The following RAB31 variants were observed in gnomAD, a reference collection of about 807,000 sequenced individuals.
RAB31 encodes RAB31, member RAS oncogene family, also known as ras-related protein Rab-31.
Under a neutral mutation model 25.6 loss-of-function variants are expected in RAB31, and 21 were observed. The observed-to-expected ratio is 0.82, with a 90% CI of 0.58 to 1.18. The LOEUF is 1.18. Ranked by LOEUF, RAB31 falls within the 50% of genes most tolerant of loss-of-function variation. RAB31 has a pLI of 0.00. For missense variants in RAB31, 196 were observed against 250.1 expected (o/e 0.78, Z 1.46); for synonymous variants, 87 against 84.0 (o/e 1.04, Z -0.20).
In RAB31 at chr18:9,775,435, C is replaced by A. The variant is rs2068367378; in HGVS notation, c.119+78C>A. 3 of 1,587,586 alleles carry A rather than the reference C, an allele frequency of 1.9e-6. No homozygotes were observed. The African/African-American group carries it at 4.0e-5, about 21-fold the overall frequency. ...AATGACCACTCTGTCTGTGCCTGAG[C>A]CTTCAGGCAGGGCCACAGTTTTCAT... is the stretch of plus-strand genomic sequence containing the variant. On this transcript the variant is annotated intron_variant, in intron 2 of 6. Transcript: ENST00000578921.
intron 5 of RAB31, chr18:9,816,099 TCC>T (rs2068597848): frequency 7.8e-6 from 1 of 127,866 alleles, no homozygotes; most frequent in Non-Finnish European, 1.6e-5. Flanking sequence ...GTAGATGCTG[TCC>T]TCCATCCCTG....
intron 1 of RAB31, among the ~76,000 whole-genome samples, chr18:9,725,761 G>A (rs2068093447): frequency 6.6e-6 from 1 of 152,174 alleles, no homozygotes; most frequent in African/African-American, 2.4e-5. Context: ...ACAATGTTAG[G>A]GTCCTGGTCA....
chr18:9,775,166 A>G (rs973585855), intron 1 of RAB31, 112 bp from the exon 2 acceptor site: 3 of 1,542,344 alleles, frequency 1.9e-6, no homozygotes, highest in Non-Finnish European at 2.6e-6. Context: ...TCCCAGTCTC[A>G]TCAACCAGAA....
At chr18:9,710,581 G>A (rs1356272748) in intron 1 of RAB31, among the ~76,000 whole-genome samples, 4 of 152,132 alleles carry the variant, frequency 2.6e-5, no homozygotes, top group Non-Finnish European at 2.9e-5. Context: ...GGCCGGTCGC[G>A]TTGGCTCACA....
chr18:9,733,072 G>A (rs2068131603), intron 1 of RAB31, among the ~76,000 whole-genome samples: 1 of 152,140 alleles, frequency 6.6e-6, no homozygotes, highest in South Asian at 2.1e-4. Flanking sequence ...ATAGAATGGC[G>A]AGTTAGACAG....
intron 3 of RAB31, among the ~76,000 whole-genome samples, chr18:9,808,940 C>T (rs1374198455): frequency 6.6e-6 from 1 of 152,204 alleles, no homozygotes. Flanking sequence ...ATTTACGATG[C>T]CACAAACCTG....
chr18:9,727,873 C>T (rs2068103106), intron 1 of RAB31, among the ~76,000 whole-genome samples: 1 of 152,110 alleles, frequency 6.6e-6, no homozygotes, highest in Admixed American at 6.6e-5. Context: ...AAATGATTAC[C>T]ACAGTTAAGC....
chr18:9,797,278 C>T (rs1422904890), intron 3 of RAB31: 5 of 152,092 alleles, frequency 3.3e-5, no homozygotes, highest in Non-Finnish European at 5.9e-5. Context: ...CTCTTTTTAC[C>T]TCTGGCTATG....
intron 5 of RAB31, among the ~76,000 whole-genome samples, chr18:9,823,780 A>G (rs1356100486): frequency 6.6e-6 from 1 of 152,208 alleles, no homozygotes; most frequent in Non-Finnish European, 1.5e-5. Flanking sequence ...CATCTCCAGC[A>G]CACCTAAGGT....
intron 2 of RAB31, among the ~76,000 whole-genome samples, chr18:9,788,284 G>A (rs576409801): frequency 4.6e-5 from 7 of 152,274 alleles, no homozygotes; most frequent in African/African-American, 1.7e-4. Flanking sequence ...CAACAAGTTT[G>A]TGGAAAAATG....
chr18:9,835,362 C>T (rs2068698960), intron 5 of RAB31, among the ~76,000 whole-genome samples: 1 of 151,488 alleles, frequency 6.6e-6, no homozygotes, highest in Non-Finnish European at 1.5e-5. Context: ...CTGGCCTCTT[C>T]AGGACTAGGC....
At chr18:9,764,172 G>C (rs1408672983) in intron 1 of RAB31, among the ~76,000 whole-genome samples, 2 of 152,212 alleles carry the variant, frequency 1.3e-5, no homozygotes, top group Non-Finnish European at 2.9e-5. Flanking sequence ...CAGCAATCCA[G>C]TTGATGGAGT....
intron 1 of RAB31, among the ~76,000 whole-genome samples, chr18:9,738,373 CT>C: frequency 6.6e-6 from 1 of 152,248 alleles, no homozygotes; most frequent in South Asian, 2.1e-4. Context: ...AGGGTTGGGA[CT>C]TTTAGCCCCA....
intron 2 of RAB31, among the ~76,000 whole-genome samples, chr18:9,788,961 C>T (rs1361581016): frequency 6.6e-6 from 1 of 152,036 alleles, no homozygotes; most frequent in Non-Finnish European, 1.5e-5. Flanking sequence ...CAGAGTAAGA[C>T]CCCATCTCAA....
chr18:9,777,107 C>T (rs2068375945), intron 2 of RAB31, among the ~76,000 whole-genome samples: 1 of 152,102 alleles, frequency 6.6e-6, no homozygotes, highest in African/African-American at 2.4e-5. Context: ...TTTGGGAGGC[C>T]TAGGTGGGCA....
chr18:9,739,480 G>A (rs2068167097), intron 1 of RAB31, among the ~76,000 whole-genome samples: 1 of 151,062 alleles, frequency 6.6e-6, no homozygotes, highest in African/African-American at 2.4e-5. Context: ...TCAAAAAAAA[G>A]AATTTGTAAG....
chr18:9,830,770 G>C (rs554710637), intron 5 of RAB31: 6 of 152,184 alleles, frequency 3.9e-5, no homozygotes, highest in South Asian at 4.2e-4. Context: ...CCAAGATCAG[G>C]AAGTTATTCC....
intron 3 of RAB31, among the ~76,000 whole-genome samples, chr18:9,806,222 C>G (rs2068540474): frequency 6.6e-6 from 1 of 152,068 alleles, no homozygotes; most frequent in Admixed American, 6.6e-5. Flanking sequence ...ATTCACTTAA[C>G]CATGCTGAGC....
chr18:9,759,357 G>C (rs774138763), intron 1 of RAB31, among the ~76,000 whole-genome samples: 1 of 151,912 alleles, frequency 6.6e-6, no homozygotes, highest in Non-Finnish European at 1.5e-5. Flanking sequence ...TTTTCATAAA[G>C]ACAGTGTCTC....
Sources: gnomAD v4.1 joint callset for allele counts (sites outside exome capture counted in the v4.1 genomes callset) on GRCh38, gnomAD v4.1.1 for gene constraint, MANE v1.5 for transcripts, NCBI Gene and HGNC (gene_info 2026-07-23, HGNC 2026-07-21) for gene names.